OSGIN2: variants seen among roughly 807,000 people sequenced by gnomAD.
OSGIN2 encodes the protein oxidative stress-induced growth inhibitor 2.
A neutral mutation model predicts 53.8 loss-of-function variants in OSGIN2; 19 were observed. The observed-to-expected ratio is 0.35, with a 90% confidence interval of 0.25 to 0.52. The LOEUF is 0.52. Among genes scored for constraint, OSGIN2 ranks in the 20% least tolerant of loss-of-function variants. The pLI is 0.95. For missense variants in OSGIN2, 520 were observed against 662.7 expected, an observed-to-expected ratio of 0.78 and a Z score of 2.36; for synonymous variants, 236 against 236.0, an observed-to-expected ratio of 1.00 and a Z score of 0.00.
At chr8:89,908,048 C>T (rs1372695285) in intron 1 of OSGIN2, among the ~76,000 whole-genome samples, 1 of 152,146 alleles carries the variant, frequency 6.6e-6, no homozygotes, top group Non-Finnish European at 1.5e-5. Flanking sequence ...ACAGGAGAAC[C>T]TAACCTTTGC....
intron 1 of OSGIN2, among the ~76,000 whole-genome samples, chr8:89,908,470 T>A (rs1347464087): frequency 6.6e-6 from 1 of 152,138 alleles, no homozygotes; most frequent in Non-Finnish European, 1.5e-5. Context: ...CTTTTCTGTT[T>A]ATCAACCTCC....
chr8:89,915,736 C>T (rs1001705098), intron 4 of OSGIN2, among the ~76,000 whole-genome samples: 2 of 152,134 alleles, frequency 1.3e-5, no homozygotes, highest in African/African-American at 4.8e-5. Context: ...GTACAAACTT[C>T]GGTTGGCTGT....
chr8:89,923,062 T>C (rs1318548940), intron 5 of OSGIN2, among the ~76,000 whole-genome samples: 1 of 152,142 alleles, frequency 6.6e-6, no homozygotes, highest in East Asian at 1.9e-4. Flanking sequence ...GAATGGAGCT[T>C]GGAGGGCTGG....
chr8:89,920,537 A>G (rs1016857690), intron 4 of OSGIN2, among the ~76,000 whole-genome samples: 2 of 152,222 alleles, frequency 1.3e-5, no homozygotes, highest in African/African-American at 4.8e-5. Flanking sequence ...TCAGGCATCC[A>G]CTGCCTATTT....
intron 4 of OSGIN2, among the ~76,000 whole-genome samples, chr8:89,915,631 A>G (rs1431989583): frequency 6.6e-6 from 1 of 152,176 alleles, no homozygotes; most frequent in African/African-American, 2.4e-5. Context: ...GTGAGTGTTC[A>G]TTTGTTATAC....
In OSGIN2 at chr8:89,909,634, T is replaced by G. The variant is rs1182665524; in HGVS notation, c.112T>G (p.Leu38Val). 1 of 1,611,092 alleles carries G rather than the reference T, an allele frequency of 6.2e-7. No individual in the cohort carries two copies. The highest frequency in any genetic ancestry group is 1.1e-5 in the South Asian group (1 of 90,790). Residue 38 changes from leucine (L) to valine (V), a missense_variant, in exon 2 of 6, where the codon TTG becomes GTG. This residue lies in a region of OSGIN2 where 203 missense variants were observed against 275.3 expected (regional missense o/e 0.74). Coordinates refer to ENST00000451899, the MANE Select transcript of OSGIN2 (RefSeq NM_001126111.3). ...NSLVQYFGDN[L>V]GRKVKAMPLV... ...CTTAGTGCAATACTTTGGTGACAACTTGGGGCGAAAAGTTAAAGCGATGCC... is the reference window on the plus strand; with the variant it reads ...CTTAGTGCAATACTTTGGTGACAACGTGGGGCGAAAAGTTAAAGCGATGCC...
At chr8:89,914,782 A>T in intron 4 of OSGIN2, 36 bp downstream of exon 4, 10 of 1,506,858 alleles carry the variant, frequency 6.6e-6, no homozygotes, top group Non-Finnish European at 9.2e-6. Context: ...AGTGTATGTG[A>T]ATTATTTGTC....
chr8:89,920,818 A>G (rs1809182321), intron 4 of OSGIN2, among the ~76,000 whole-genome samples: 1 of 152,230 alleles, frequency 6.6e-6, no homozygotes, highest in Non-Finnish European at 1.5e-5. Flanking sequence ...TAGGCATTGG[A>G]TAATATTGTA....
intron 5 of OSGIN2, 70 bp from the exon 6 acceptor site, chr8:89,924,433 G>A (rs948604224): frequency 2.7e-6 from 3 of 1,103,448 alleles, no homozygotes; most frequent in Admixed American, 4.6e-5. Flanking sequence ...AGCTTACTAG[G>A]TAGATAAGTA....
At chr8:89,902,155 C>T (rs1171356727), upstream of OSGIN2, 5 of 152,252 alleles carry the variant, frequency 3.3e-5, no homozygotes, top group African/African-American at 1.2e-4. Context: ...AAGCTCGACC[C>T]TTCCCGGGGT....
rs147652457 is a variant in OSGIN2, at chr8:89,910,389, G to T, written c.199+668G>T. ...ATACAAAGTCGAGGAATTCAGACAA[G>T]GAATATAGTGTGAAGCTAACTAAGC... On this transcript the variant is annotated intron_variant, in intron 2 of 5. Transcript: ENST00000451899. Among the ~76,000 whole-genome samples the T allele has an allele frequency of 6.0e-3, 920 of 152,240 alleles. 6 individuals are homozygous for T. The highest frequency in any genetic ancestry group is 0.01 in the Middle Eastern group (3 of 294).
intron 3 of OSGIN2, 106 bp downstream of exon 3, chr8:89,914,319 C>A: frequency 1.3e-6 from 1 of 753,942 alleles, no homozygotes; most frequent in Non-Finnish European, 2.1e-6. Context: ...CTAAATAACA[C>A]CTTATATCAT....
intron 2 of OSGIN2, among the ~76,000 whole-genome samples, chr8:89,913,496 T>C (rs554652354): frequency 9.8e-5 from 15 of 152,294 alleles, no homozygotes; most frequent in East Asian, 5.8e-4. Context: ...CCAAAACTTA[T>C]GTGAATGTAG....
chr8:89,911,099 G>A (rs1156723539), intron 2 of OSGIN2, among the ~76,000 whole-genome samples: 1 of 152,138 alleles, frequency 6.6e-6, no homozygotes, highest in African/African-American at 2.4e-5. Flanking sequence ...AGGGAAGAAT[G>A]TTTCCTTTTC....
upstream of OSGIN2, chr8:89,902,386 G>A (rs1036237250): frequency 6.6e-6 from 1 of 152,148 alleles, no homozygotes; most frequent in Non-Finnish European, 1.5e-5. Flanking sequence ...GCAGACCTCG[G>A]TCCCCTGCCC....
intron 4 of OSGIN2, among the ~76,000 whole-genome samples, chr8:89,918,678 G>T (rs1281732777): frequency 6.6e-6 from 1 of 152,130 alleles, no homozygotes; most frequent in African/African-American, 2.4e-5. Context: ...TATTCTGCAG[G>T]TGTCCTCAGA....
At position 89,927,022 on chromosome 8, in the gene OSGIN2, G is replaced by A. The variant is rs979189971; in HGVS notation, c.*1490G>A. 5 of 152,082 alleles carry A rather than the reference G, an allele frequency of 3.3e-5. No individual in the cohort carries two copies. Among genetic ancestry groups the A allele is most frequent in the African/African-American group, 9.7e-5 (4 of 41,404 alleles). The allele number at this position is 152,082 out of a possible 1,614,324, so 9.4% of individuals were successfully genotyped here. A position where few individuals can be genotyped will look rare whatever the true frequency, so the allele number is the denominator to read the frequency against. ...TTGATTTTACAAGCTGTACAATCCA[G>A]TTTTAGTTTTCTATTGTGATAATAA... On this transcript the variant is annotated 3_prime_UTR_variant, in exon 6 of 6. Coordinates refer to ENST00000451899, the MANE Select transcript of OSGIN2 (RefSeq NM_001126111.3).
In OSGIN2 at chr8:89,925,983, T is replaced by C. The variant is rs1809322893; in HGVS notation, c.*451T>C. 6.3e-6 allele frequency: 1 copy of C among 157,482 alleles called. No homozygotes were observed. Among genetic ancestry groups the C allele is most frequent in the African/African-American group, 2.4e-5 (1 of 41,424 alleles). The allele number at this position is 157,482 out of a possible 1,614,324, so 9.8% of individuals were successfully genotyped here. A position where few individuals can be genotyped will look rare whatever the true frequency, so the allele number is the denominator to read the frequency against. ...TCTTACATCTGTAGCTTGTTAGAAA[T>C]GTAAACTCTCAGGCCCCACAACTTA... On this transcript the variant is annotated 3_prime_UTR_variant, in exon 6 of 6. Coordinates refer to ENST00000451899, the MANE Select transcript of OSGIN2 (RefSeq NM_001126111.3).
chr8:89,914,034 T>G, intron 2 of OSGIN2, 43 bp from the exon 3 acceptor site: 3 of 1,571,212 alleles, frequency 1.9e-6, no homozygotes, highest in Non-Finnish European at 2.6e-6. Context: ...ACAAGAGTAT[T>G]AAGATGCATG....
Sources: gnomAD v4.1 joint callset for allele counts (sites outside exome capture counted in the v4.1 genomes callset) on GRCh38, gnomAD v4.1.1 for gene constraint, gnomAD v4.1.1 regional missense constraint, MANE v1.5 for transcripts, NCBI Gene and HGNC (gene_info 2026-07-23, HGNC 2026-07-21) for gene names.